Variants in ZPBP observed in about 807,000 individuals in gnomAD.
ZPBP encodes the protein zona pellucida-binding protein 1.
Under a neutral mutation model 44.8 loss-of-function variants are expected in ZPBP, and 26 were observed. The ratio of observed to expected loss-of-function variants is 0.58; its 90% CI spans 0.43 to 0.81. ZPBP has a LOEUF of 0.81. Ranked by LOEUF, ZPBP falls within the 30% of genes least tolerant of loss-of-function variation. The pLI, the probability that ZPBP is intolerant of heterozygous loss-of-function variation, is 0.00. For missense variants in ZPBP, 409 were observed against 434.0 expected, an observed-to-expected ratio of 0.94 and a Z score of 0.51; for synonymous variants, 174 against 153.2, an observed-to-expected ratio of 1.14 and a Z score of -1.00.
intron 7 of ZPBP, among the ~76,000 whole-genome samples, chr7:49,964,943 A>G (rs1010963120): frequency 2.6e-5 from 4 of 152,082 alleles, no homozygotes; most frequent in African/African-American, 4.8e-5. Flanking sequence ...CTGCCATACT[A>G]TAAGATGAAA....
At chr7:49,847,699 C>T (rs993497324), downstream of ZPBP, among the ~76,000 whole-genome samples, 44 of 152,192 alleles carry the variant, frequency 2.9e-4, no homozygotes, top group Middle Eastern at 3.4e-3. Context: ...GTGGCTTCCA[C>T]GGGAAGAAGG....
intron 6 of ZPBP, among the ~76,000 whole-genome samples, chr7:49,995,315 T>C (rs1419846506): frequency 6.6e-6 from 1 of 152,234 alleles, no homozygotes. Flanking sequence ...GGTGTATTGC[T>C]GGTTTTCTCA....
intron 6 of ZPBP, among the ~76,000 whole-genome samples, chr7:50,010,008 C>T (rs1442701293): frequency 3.3e-5 from 5 of 152,034 alleles, no homozygotes; most frequent in African/African-American, 1.2e-4. Context: ...GATGTAGAGA[C>T]ATATCATGTT....
At chr7:49,967,439 G>T (rs1382154960) in intron 7 of ZPBP, among the ~76,000 whole-genome samples, 1 of 152,144 alleles carries the variant, frequency 6.6e-6, no homozygotes, top group Non-Finnish European at 1.5e-5. Flanking sequence ...ATACAAGACT[G>T]ACATGACCTA....
At chr7:49,853,837 T>C (rs1790298866) in intron 2 of ZPBP, among the ~76,000 whole-genome samples, 1 of 151,706 alleles carries the variant, frequency 6.6e-6, no homozygotes, top group East Asian at 2.0e-4. Flanking sequence ...TTACATTAGG[T>C]ATATCTCCTA....
At chr7:49,924,182 C>A (rs1794141789) in intron 1 of ZPBP, among the ~76,000 whole-genome samples, 1 of 150,318 alleles carries the variant, frequency 6.7e-6, no homozygotes, top group Admixed American at 6.6e-5. Context: ...ATGGTAAAAG[C>A]ACAAATAAGT....
chr7:49,905,363 C>T (rs1054848970), intron 1 of ZPBP, among the ~76,000 whole-genome samples: 10 of 152,160 alleles, frequency 6.6e-5, no homozygotes, highest in African/African-American at 2.2e-4. Context: ...CTTTTACTCA[C>T]GCTGTGAAAG....
chr7:49,850,980 TG>T (rs1378024439), intron 2 of ZPBP, among the ~76,000 whole-genome samples: 3 of 152,146 alleles, frequency 2.0e-5, no homozygotes, highest in Non-Finnish European at 4.4e-5. Flanking sequence ...AGAACCTGAG[TG>T]GCTTTAAGGA....
At chr7:49,873,336 A>G (rs749165704) in intron 2 of ZPBP, among the ~76,000 whole-genome samples, 1 of 152,116 alleles carries the variant, frequency 6.6e-6, no homozygotes, top group South Asian at 2.1e-4. Context: ...CCTTCTCCCT[A>G]TGTCCACCTT....
chr7:49,989,332 A>T (rs1042817675), intron 6 of ZPBP, among the ~76,000 whole-genome samples: 1 of 151,622 alleles, frequency 6.6e-6, no homozygotes, highest in Non-Finnish European at 1.5e-5. Context: ...TGCTCTAGGG[A>T]CCTCAAGAAG....
intron 6 of ZPBP, among the ~76,000 whole-genome samples, chr7:49,998,488 A>C (rs1290559103): frequency 6.6e-6 from 1 of 152,188 alleles, no homozygotes; most frequent in Non-Finnish European, 1.5e-5. Context: ...AATTCCATAA[A>C]TTTTCAAAAA....
At chr7:50,031,884 A>G (rs934305801) in intron 4 of ZPBP, among the ~76,000 whole-genome samples, 13 of 152,144 alleles carry the variant, frequency 8.5e-5, no homozygotes, top group African/African-American at 2.7e-4. Context: ...TCTCACTGAA[A>G]TGACACAAGA....
chr7:50,069,140 T>G (rs1801693082), intron 3 of ZPBP, among the ~76,000 whole-genome samples: 1 of 152,216 alleles, frequency 6.6e-6, no homozygotes, highest in Non-Finnish European at 1.5e-5. Context: ...CCTTCTCATG[T>G]GAGATTGACA....
At chr7:50,034,107 A>G (rs1799723354) in intron 4 of ZPBP, among the ~76,000 whole-genome samples, 2 of 152,080 alleles carry the variant, frequency 1.3e-5, no homozygotes, top group African/African-American at 4.8e-5. Context: ...AGAGAGAAAA[A>G]TTATGTTTCA....
At chr7:49,881,163 G>A (rs1279605778) in intron 2 of ZPBP, among the ~76,000 whole-genome samples, 1 of 152,094 alleles carries the variant, frequency 6.6e-6, no homozygotes, top group Admixed American at 6.6e-5. Flanking sequence ...GAGCCTTCGG[G>A]GCTACTAGGC....
chr7:49,907,390 A>C (rs1468679973), intron 1 of ZPBP, among the ~76,000 whole-genome samples: 1 of 152,210 alleles, frequency 6.6e-6, no homozygotes, highest in Non-Finnish European at 1.5e-5. Flanking sequence ...GGCTCTAAGA[A>C]GTGCAAAATA....
At chr7:49,995,689 C>A (rs973144413) in intron 6 of ZPBP, among the ~76,000 whole-genome samples, 16 of 152,048 alleles carry the variant, frequency 1.1e-4, no homozygotes, top group Non-Finnish European at 1.5e-5. Context: ...TACTATTTGG[C>A]CATAAAAAGA....
chr7:49,907,143 A>G (rs1347188276), intron 1 of ZPBP, among the ~76,000 whole-genome samples: 1 of 152,196 alleles, frequency 6.6e-6, no homozygotes, highest in Non-Finnish European at 1.5e-5. Context: ...ATTAAGAAGT[A>G]TGTTACCTTT....
intron 2 of ZPBP, among the ~76,000 whole-genome samples, chr7:50,087,946 T>C (rs900770918): frequency 5.3e-5 from 8 of 151,962 alleles, no homozygotes; most frequent in Non-Finnish European, 1.2e-4. Flanking sequence ...AGAATTAATA[T>C]GGAATTGCAA....
Sources: allele counts gnomAD v4.1 joint callset (sites outside exome capture counted in the v4.1 genomes callset), GRCh38; gene constraint gnomAD v4.1.1; transcripts MANE v1.5; gene names NCBI Gene and HGNC (gene_info 2026-07-23, HGNC 2026-07-21).